Variants in KCNQ5 observed in about 807,000 individuals in gnomAD.
The protein encoded by KCNQ5 is potassium voltage-gated channel subfamily KQT member 5.
KCNQ5 carries 30 observed loss-of-function variants against 98.2 expected under a neutral mutation model. The ratio of observed to expected loss-of-function variants is 0.31; its 90% CI spans 0.23 to 0.41. The LOEUF (loss-of-function observed/expected upper bound fraction) is 0.41. Ranked by LOEUF, KCNQ5 falls within the 10% of genes least tolerant of loss-of-function variation. The pLI is 1.00. For synonymous variants in KCNQ5, 458 were observed against 449.4 expected (o/e 1.02, Z -0.24); for missense variants, 835 against 1,182.5 (o/e 0.71, Z 4.31).
At chr6:72,958,622 G>A (rs1036877934) in intron 1 of KCNQ5, among the ~76,000 whole-genome samples, 7 of 152,140 alleles carry the variant, frequency 4.6e-5, no homozygotes, top group Non-Finnish European at 8.8e-5. Flanking sequence ...AGGTAAAACA[G>A]AATATGAAAA....
At chr6:72,717,726 C>T (rs1030417926) in intron 1 of KCNQ5, among the ~76,000 whole-genome samples, 4 of 152,140 alleles carry the variant, frequency 2.6e-5, no homozygotes, top group African/African-American at 9.7e-5. Context: ...CTCCATGAGG[C>T]TGCCTGTAGA....
chr6:72,945,492 T>C (rs978709589), intron 1 of KCNQ5, among the ~76,000 whole-genome samples: 251 of 147,260 alleles, frequency 1.7e-3, no homozygotes, highest in African/African-American at 6.1e-3. Context: ...TCTTGCTCTG[T>C]CACCCATGCT....
chr6:72,701,059 GACTTTAAT>G (rs1486280708), intron 1 of KCNQ5, among the ~76,000 whole-genome samples: 3 of 152,110 alleles, frequency 2.0e-5, no homozygotes, highest in African/African-American at 7.2e-5. Flanking sequence ...TTCCAGATGG[GACTTTAAT>G]ACCAGAGATA....
chr6:72,866,424 T>G (rs1430249465), intron 1 of KCNQ5, among the ~76,000 whole-genome samples: 2 of 151,934 alleles, frequency 1.3e-5, no homozygotes, highest in Non-Finnish European at 2.9e-5. Context: ...CTGGCTAATT[T>G]TTTGTATTTA....
At chr6:73,160,834 G>C (rs1439672196) in intron 10 of KCNQ5, among the ~76,000 whole-genome samples, 1 of 151,850 alleles carries the variant, frequency 6.6e-6, no homozygotes, top group Non-Finnish European at 1.5e-5. Context: ...CCTAGCCTTT[G>C]GTTTCTAATG....
At chr6:72,651,450 A>G (rs554913360) in intron 1 of KCNQ5, among the ~76,000 whole-genome samples, 2 of 152,136 alleles carry the variant, frequency 1.3e-5, no homozygotes, top group Non-Finnish European at 2.9e-5. Flanking sequence ...TATTTTTACT[A>G]GAAATACTCT....
intron 1 of KCNQ5, among the ~76,000 whole-genome samples, chr6:72,888,905 T>A (rs530997397): frequency 3.9e-5 from 6 of 152,264 alleles, no homozygotes; most frequent in African/African-American, 1.4e-4. Flanking sequence ...AAGAAAAAAT[T>A]CCCTATCTTC....
At chr6:73,115,652 T>C (rs1775459046) in intron 7 of KCNQ5, among the ~76,000 whole-genome samples, 1 of 152,190 alleles carries the variant, frequency 6.6e-6, no homozygotes, top group Non-Finnish European at 1.5e-5. Flanking sequence ...ATTTTCAACC[T>C]AGAACTCTAT....
intron 2 of KCNQ5, among the ~76,000 whole-genome samples, chr6:73,014,948 T>C (rs970807144): frequency 6.6e-6 from 1 of 152,096 alleles, no homozygotes; most frequent in Non-Finnish European, 1.5e-5. Context: ...TTACTGGTCC[T>C]TGCAAAGTAG....
chr6:73,105,405 A>G (rs2150419730), intron 6 of KCNQ5, 38 bp downstream of exon 6: 1 of 1,296,914 alleles, frequency 7.7e-7, no homozygotes, highest in South Asian at 1.3e-5. Context: ...TTTAAATTAG[A>G]TCTTAGAGAC....
At position 73,146,850 on chromosome 6, in the gene KCNQ5, T is replaced by C. The variant is rs1776946300; in HGVS notation, c.1468+13209T>C. Among the ~76,000 whole-genome samples the C allele has an allele frequency of 3.3e-5, 5 of 152,230 alleles. No homozygotes were observed. The South Asian group carries it at 1.0e-3, about 32-fold the overall frequency. On this transcript the variant is annotated intron_variant, in intron 10 of 13. Transcript: ENST00000370398. ...GTCTATGAGTTTACCTCCCTTTTGC[T>C]ACAAACACTTCAGTGATATACTATT...
intron 1 of KCNQ5, among the ~76,000 whole-genome samples, chr6:72,624,033 C>T (rs972103882): frequency 1.3e-5 from 2 of 152,210 alleles, no homozygotes; most frequent in South Asian, 4.1e-4. Flanking sequence ...CCCAGATTGA[C>T]GTGAACATGT....
intron 1 of KCNQ5, among the ~76,000 whole-genome samples, chr6:72,637,875 G>A (rs1324075163): frequency 6.6e-6 from 1 of 152,102 alleles, no homozygotes. Context: ...GTTTGTTTTG[G>A]GGAAACAGTT....
chr6:72,689,221 C>T (rs927648158), intron 1 of KCNQ5, among the ~76,000 whole-genome samples: 2 of 152,130 alleles, frequency 1.3e-5, no homozygotes, highest in African/African-American at 4.8e-5. Context: ...TGCTTTCAAG[C>T]GTCAATGGCG....
At chr6:72,729,157 C>T (rs1480056746) in intron 1 of KCNQ5, among the ~76,000 whole-genome samples, 1 of 152,058 alleles carries the variant, frequency 6.6e-6, no homozygotes, top group African/African-American at 2.4e-5. Context: ...TATTACAGGA[C>T]AAATGAGGTG....
intron 7 of KCNQ5, among the ~76,000 whole-genome samples, chr6:73,114,002 A>T (rs1775376225): frequency 6.6e-6 from 1 of 152,196 alleles, no homozygotes; most frequent in Non-Finnish European, 1.5e-5. Flanking sequence ...GTACTTTTAA[A>T]ATCTAATCAT....
chr6:72,987,503 C>T lies in KCNQ5; in HGVS notation c.399-16405C>T, dbSNP rs1288880811. 1.4e-5 allele frequency: 9 copies of T among 663,220 alleles called. No individual in the cohort carries two copies. The East Asian group carries it at 1.7e-4, about 13-fold the overall frequency. The allele number at this position is 663,220 out of a possible 1,614,324, so 41.1% of individuals were successfully genotyped here. On this transcript the variant is annotated intron_variant, in intron 1 of 13. Transcript: ENST00000370398. ...TCAAACTTACTGGTGGCTTCAAAAACCTGTCCCCTTCGTTCAGCCGCCACC... is the reference window on the plus strand; with the variant it reads ...TCAAACTTACTGGTGGCTTCAAAAATCTGTCCCCTTCGTTCAGCCGCCACC...
At chr6:73,099,851 C>A (rs974692649) in intron 5 of KCNQ5, among the ~76,000 whole-genome samples, 1 of 152,146 alleles carries the variant, frequency 6.6e-6, no homozygotes, top group African/African-American at 2.4e-5. Context: ...ATTTATAGAA[C>A]ATTTCATCCA....
intron 1 of KCNQ5, among the ~76,000 whole-genome samples, chr6:72,765,140 A>C (rs554755642): frequency 2.0e-5 from 3 of 152,168 alleles, no homozygotes; most frequent in African/African-American, 7.2e-5. Flanking sequence ...TACACCTAGC[A>C]GTGGGATTTC....
Sources: allele counts gnomAD v4.1 joint callset (sites outside exome capture counted in the v4.1 genomes callset), GRCh38; gene constraint gnomAD v4.1.1; transcripts MANE v1.5; gene names NCBI Gene and HGNC (gene_info 2026-07-23, HGNC 2026-07-21).